Variants in NLGN1 observed in about 807,000 individuals in gnomAD.
NLGN1 encodes the protein neuroligin 1, also known as neuroligin-1.
Under a neutral mutation model 65.5 loss-of-function variants are expected in NLGN1, and 12 were observed. The observed-to-expected ratio is 0.18, with a 90% CI of 0.12 to 0.30. The LOEUF (loss-of-function observed/expected upper bound fraction) is 0.30, where lower values mean the gene tolerates loss of function less well. Among genes scored for constraint, NLGN1 ranks in the 10% least tolerant of loss-of-function variants. The pLI is 1.00. For synonymous variants in NLGN1, 350 were observed against 359.5 expected (o/e 0.97, Z 0.30); for missense variants, 750 against 1,007.1 (o/e 0.74, Z 3.46).
In NLGN1 at chr3:174,136,504, T is replaced by C. The variant is rs980394162; in HGVS notation, c.647-138811T>C. On this transcript the variant is annotated intron_variant, in intron 4 of 6. Coordinates refer to ENST00000457714, the Ensembl canonical transcript of NLGN1. Reference sequence around the variant, plus strand: ...TTTGACAGTGAAAATTACCAATTTATAATTTTTTAAGAAAAGCATGCCTAG... The same window carrying C: ...TTTGACAGTGAAAATTACCAATTTACAATTTTTTAAGAAAAGCATGCCTAG... 2.6e-5 allele frequency: 4 copies of C among 152,128 alleles called. No homozygotes were observed. In the South Asian group the frequency reaches 8.3e-4, roughly 31 times the overall value. The allele number at this position is 152,128 out of a possible 1,614,324, so 9.4% of individuals were successfully genotyped here.
intron 2 of NLGN1, among the ~76,000 whole-genome samples, chr3:173,566,960 C>G (rs1350974918): frequency 6.6e-6 from 1 of 152,170 alleles, no homozygotes; most frequent in South Asian, 2.1e-4. Flanking sequence ...ATTCTGTTAT[C>G]AAATGGTACC....
chr3:173,943,099 G>A (rs1746451208), intron 4 of NLGN1, among the ~76,000 whole-genome samples: 1 of 151,960 alleles, frequency 6.6e-6, no homozygotes, highest in South Asian at 2.1e-4. Flanking sequence ...GGTGGCACAT[G>A]CTTGTGATCC....
intron 4 of NLGN1, among the ~76,000 whole-genome samples, chr3:174,027,066 T>A (rs291943): frequency 0.67 from 100,347 of 149,050 alleles, 34,585 homozygotes; most frequent in Admixed American, 0.78. Context: ...TCAATTTTTT[T>A]AAAAAAAAAA....
chr3:173,417,335 G>A (rs1163226489), intron 1 of NLGN1, among the ~76,000 whole-genome samples: 1 of 151,748 alleles, frequency 6.6e-6, no homozygotes, highest in Admixed American at 6.6e-5. Flanking sequence ...ATAGAATTAA[G>A]TAATTTTAAA....
intron 3 of NLGN1, among the ~76,000 whole-genome samples, chr3:173,678,330 A>G (rs1763458724): frequency 1.3e-5 from 2 of 152,254 alleles, no homozygotes; most frequent in Middle Eastern, 3.4e-3. Context: ...TACGTTAGAA[A>G]TAATTACTAC....
At chr3:173,797,298 C>A (rs1177086961) in intron 3 of NLGN1, among the ~76,000 whole-genome samples, 1 of 152,044 alleles carries the variant, frequency 6.6e-6, no homozygotes, top group African/African-American at 2.4e-5. Flanking sequence ...TGTTACCAAC[C>A]CTCTTCTTCC....
rs1441981226 is a variant in NLGN1 at position 173,523,190 on chromosome 3, CCTCA to C, written c.-320-81085_-320-81082del. Among the ~76,000 whole-genome samples the C allele has an allele frequency of 4.6e-5, 7 of 151,070 alleles. No individual in the cohort carries two copies. In the South Asian group the frequency reaches 1.0e-3, roughly 23 times the overall value. ...AAATGCATAATATAAAAATATTTTCCCTCACTCTGCACATTGTCTGTTCACTGTG... is the reference window on the plus strand; with the variant it reads ...AAATGCATAATATAAAAATATTTTCCCTCTGCACATTGTCTGTTCACTGTG... On this transcript the variant is annotated intron_variant, in intron 2 of 6. Coordinates refer to ENST00000457714, the Ensembl canonical transcript of NLGN1.
At chr3:173,468,444 T>C (rs1397173855) in intron 2 of NLGN1, among the ~76,000 whole-genome samples, 1 of 152,074 alleles carries the variant, frequency 6.6e-6, no homozygotes, top group Non-Finnish European at 1.5e-5. Context: ...ATAAAATTCC[T>C]TTATATCACC....
At chr3:173,619,686 G>A (rs1753681144) in intron 3 of NLGN1, among the ~76,000 whole-genome samples, 1 of 152,156 alleles carries the variant, frequency 6.6e-6, no homozygotes, top group South Asian at 2.1e-4. Context: ...CAGTTAGAAA[G>A]TGGCAGAACC....
At chr3:174,293,314 C>T in the NLGN1 span, among the ~76,000 whole-genome samples, 62 of 151,402 alleles carry the variant, frequency 4.1e-4, no homozygotes, top group Non-Finnish European at 8.1e-4. Flanking sequence ...CAAACATTTA[C>T]TTCATGATGT....
At chr3:173,408,025 G>A (rs981360854) in intron 1 of NLGN1, among the ~76,000 whole-genome samples, 1 of 152,130 alleles carries the variant, frequency 6.6e-6, no homozygotes, top group Non-Finnish European at 1.5e-5. Context: ...ATCAAGCTGA[G>A]ATTATTTGAT....
chr3:174,154,957 AAT>A (rs1298785042), intron 4 of NLGN1, among the ~76,000 whole-genome samples: 2 of 141,116 alleles, frequency 1.4e-5, no homozygotes, highest in East Asian at 2.0e-4. Flanking sequence ...TATATAATAT[AAT>A]ATATAATTAT....
At chr3:173,923,842 G>A (rs890375548) in intron 4 of NLGN1, among the ~76,000 whole-genome samples, 1 of 152,090 alleles carries the variant, frequency 6.6e-6, no homozygotes, top group African/African-American at 2.4e-5. Context: ...TCAGCTGAGA[G>A]ATCATTAACA....
rs200627126 is a variant in NLGN1 at position 174,262,102 on chromosome 3, AT to A, written c.647-13208del. 4.2e-3 allele frequency among the ~76,000 whole-genome samples: 426 copies of A among 100,240 alleles called. 26 individuals carry two copies. In the East Asian group the frequency reaches 0.12, roughly 28 times the overall value. 65.8% of individuals were successfully genotyped at this position (100,240 alleles called of 152,430 possible). On this transcript the variant is annotated intron_variant, in intron 4 of 6. Transcript: ENST00000457714. ...TCGTTTTGCCAGTATTTTATTGAGG[AT>A]TTTTGCATCAATGTTCATCAAGGAT...
intron 3 of NLGN1, among the ~76,000 whole-genome samples, chr3:173,692,329 T>C (rs546068158): frequency 5.9e-5 from 9 of 152,228 alleles, no homozygotes; most frequent in South Asian, 2.1e-4. Flanking sequence ...TTGGCAGTTA[T>C]CACTTTTCTG....
At chr3:174,014,685 T>C (rs1338558448) in intron 4 of NLGN1, among the ~76,000 whole-genome samples, 1 of 152,226 alleles carries the variant, frequency 6.6e-6, no homozygotes, top group Non-Finnish European at 1.5e-5. Context: ...ATTTTGGAGT[T>C]AGACAAACAA....
intron 4 of NLGN1, among the ~76,000 whole-genome samples, chr3:173,908,297 C>A (rs1296581329): frequency 6.6e-6 from 1 of 152,094 alleles, no homozygotes. Context: ...CTTACCAATA[C>A]CAACCTTCCA....
chr3:173,640,007 A>C (rs190075401), intron 3 of NLGN1, among the ~76,000 whole-genome samples: 1 of 152,038 alleles, frequency 6.6e-6, no homozygotes, highest in Non-Finnish European at 1.5e-5. Flanking sequence ...TTGAAAGTCT[A>C]AACTGCAATA....
chr3:173,413,577 G>A (rs1436945802), intron 1 of NLGN1, among the ~76,000 whole-genome samples: 6 of 151,400 alleles, frequency 4.0e-5, no homozygotes, highest in African/African-American at 1.5e-4. Context: ...TCCAGCCTGG[G>A]TGACAGAGCA....
Sources: allele counts gnomAD v4.1 joint callset (sites outside exome capture counted in the v4.1 genomes callset), GRCh38; gene constraint gnomAD v4.1.1; transcripts MANE v1.5; gene names NCBI Gene and HGNC (gene_info 2026-07-23, HGNC 2026-07-21).